Variants in CIT observed in about 807,000 individuals in gnomAD.
CIT encodes citron Rho-interacting kinase.
In CIT, 79 loss-of-function variants were observed where a neutral mutation model predicts 272.7. That is an observed-to-expected ratio of 0.29 (90% CI 0.24 to 0.35). CIT has a LOEUF of 0.35. CIT is among the 10% of genes least tolerant of loss of function. The probability of loss-of-function intolerance (pLI) is 1.00; values close to 1 mark genes in which losing one functional copy is unlikely to be tolerated. For missense variants in CIT, 1,909 were observed against 2,618.3 expected (o/e 0.73, Z 5.91); for synonymous variants, 948 against 995.6 (o/e 0.95, Z 0.90).
chr12:119,769,034 G>A (rs1012416334), intron 18 of CIT, among the ~76,000 whole-genome samples: 15 of 151,002 alleles, frequency 9.9e-5, no homozygotes, highest in Non-Finnish European at 1.3e-4. Flanking sequence ...GAAGAAATCC[G>A]CTTATTTTTC....
At chr12:119,830,893 G>C (rs974158026) in intron 7 of CIT, among the ~76,000 whole-genome samples, 2 of 152,120 alleles carry the variant, frequency 1.3e-5, no homozygotes, top group African/African-American at 4.8e-5. Flanking sequence ...TTAAGACAGG[G>C]TCTTGTTCTG....
chr12:119,771,796 C>A (rs1270425825), intron 17 of CIT, among the ~76,000 whole-genome samples: 1 of 152,108 alleles, frequency 6.6e-6, no homozygotes, highest in East Asian at 1.9e-4. Flanking sequence ...AGGAGATGAA[C>A]AGGAGACGTA....
chr12:119,849,504 A>C (rs1192565845), intron 5 of CIT, among the ~76,000 whole-genome samples: 1 of 152,186 alleles, frequency 6.6e-6, no homozygotes, highest in Non-Finnish European at 1.5e-5. Flanking sequence ...GCATTTTCTT[A>C]TAACAACCAT....
At chr12:119,733,145 A>G (rs1365700408) in intron 26 of CIT, among the ~76,000 whole-genome samples, 1 of 152,040 alleles carries the variant, frequency 6.6e-6, no homozygotes, top group South Asian at 2.1e-4. Context: ...AGGGAAATCT[A>G]TACTGGGGAA....
intron 46 of CIT, among the ~76,000 whole-genome samples, chr12:119,696,280 T>G (rs1436156615): frequency 6.6e-6 from 1 of 152,178 alleles, no homozygotes; most frequent in Non-Finnish European, 1.5e-5. Flanking sequence ...AAGAGGCCTT[T>G]TTTTGGAACA....
intron 28 of CIT, among the ~76,000 whole-genome samples, chr12:119,725,409 G>C (rs1024638614): frequency 6.6e-6 from 1 of 152,130 alleles, no homozygotes; most frequent in African/African-American, 2.4e-5. Flanking sequence ...CTGGGCGAGA[G>C]AGCAAGACTC....
chr12:119,756,785 G>T (rs1408394482), intron 22 of CIT, among the ~76,000 whole-genome samples: 1 of 152,100 alleles, frequency 6.6e-6, no homozygotes, highest in East Asian at 1.9e-4. Flanking sequence ...CAGCAGGAAT[G>T]GGCTTTAGGT....
chr12:119,820,142 T>C (rs1967560356), intron 9 of CIT, among the ~76,000 whole-genome samples: 1 of 152,058 alleles, frequency 6.6e-6, no homozygotes, highest in Non-Finnish European at 1.5e-5. Flanking sequence ...GGGACATGAG[T>C]GGGAGAATTG....
intron 10 of CIT, among the ~76,000 whole-genome samples, chr12:119,789,924 C>T (rs1965162153): frequency 6.6e-6 from 1 of 151,424 alleles, no homozygotes; most frequent in Non-Finnish European, 1.5e-5. Flanking sequence ...CCATGTTGGC[C>T]AGGATGGTCT....
chr12:119,816,825 A>G (rs569818118), intron 9 of CIT, among the ~76,000 whole-genome samples: 5 of 152,312 alleles, frequency 3.3e-5, no homozygotes, highest in African/African-American at 1.2e-4. Context: ...GTAGCCCCCA[A>G]GGGGAGACTG....
Position 119,804,469 on chromosome 12 carries a change from C to G in CIT, c.1112-1080G>C. 1.0e-6 allele frequency: 1 copy of G among 985,900 alleles called. No individual in the cohort carries two copies. Among genetic ancestry groups the G allele is most frequent in the Non-Finnish European group, 1.2e-6 (1 of 830,292 alleles). 61.1% of individuals were successfully genotyped at this position (985,900 alleles called of 1,614,324 possible). A position where few individuals can be genotyped will look rare whatever the true frequency, so the allele number is the denominator to read the frequency against. ...CCCCACCTGGCTGCCGCCTGCCTGC[C>G]AGGGGCCAGTGCTGATCCCAGTGAC... On this transcript the variant is annotated intron_variant, in intron 9 of 47. Coordinates refer to ENST00000392521, the MANE Select transcript of CIT (RefSeq NM_001206999.2). The surrounding 1 kb of genome is among the most constrained non-coding windows in gnomAD (Gnocchi z 5.3).
intron 4 of CIT, among the ~76,000 whole-genome samples, chr12:119,856,122 C>A (rs1225465012): frequency 2.0e-5 from 3 of 152,198 alleles, no homozygotes; most frequent in Non-Finnish European, 4.4e-5. Flanking sequence ...CAGCTTCCTG[C>A]CCTCCGCTGC....
At chr12:119,849,114 T>C (rs1970028326) in intron 5 of CIT, among the ~76,000 whole-genome samples, 1 of 152,064 alleles carries the variant, frequency 6.6e-6, no homozygotes, top group Non-Finnish European at 1.5e-5. Flanking sequence ...TTTCTTCCCC[T>C]AGGGAGGAGG....
chr12:119,780,441 A>G (rs1964181452), intron 13 of CIT, among the ~76,000 whole-genome samples: 1 of 152,026 alleles, frequency 6.6e-6, no homozygotes, highest in African/African-American at 2.4e-5. Context: ...ACATGGTGAA[A>G]CCCCATCTCT....
chr12:119,772,738 G>A (rs369880991), intron 17 of CIT, 32 bp downstream of exon 17: 68 of 1,585,262 alleles, frequency 4.3e-5, no homozygotes, highest in South Asian at 2.6e-4. Flanking sequence ...GGCCGAGGCC[G>A]CTGGGGCCTG....
rs1386246363 is a variant in CIT at position 119,718,639 on chromosome 12, T to C, written c.4003+60A>G. ...GCTAGTTAGTCTTGGCTGATCTCAC[T>C]GAGATCAATCCTCTGCCTTTTCCAC... On this transcript the variant is annotated intron_variant, in intron 31 of 47. Transcript: ENST00000392521. This position sits in a 1 kb window ranked among gnomAD's most constrained non-coding sequence, Gnocchi z 4.8. 2 of 1,596,434 alleles carry C rather than the reference T, an allele frequency of 1.3e-6. No individual in the cohort carries two copies. Among genetic ancestry groups the C allele is most frequent in the African/African-American group, 2.7e-5 (2 of 74,512 alleles).
At chr12:119,701,207 T>C (rs1183216487) in intron 43 of CIT, among the ~76,000 whole-genome samples, 1 of 24,060 alleles carries the variant, frequency 4.2e-5, no homozygotes, top group Non-Finnish European at 6.6e-5. Context: ...AGGGAGGGGA[T>C]GGGGAGGGGG....
intron 9 of CIT, among the ~76,000 whole-genome samples, chr12:119,805,943 T>G (rs1310095323): frequency 6.6e-6 from 1 of 152,082 alleles, no homozygotes; most frequent in Non-Finnish European, 1.5e-5. Flanking sequence ...AAGGCCAGCC[T>G]GGCCAACATG....
intron 7 of CIT, 83 bp downstream of exon 7, chr12:119,832,688 T>C (rs1968724917): frequency 1.7e-6 from 2 of 1,153,352 alleles, no homozygotes; most frequent in Non-Finnish European, 2.6e-6. Flanking sequence ...TTCACCATTT[T>C]ATCCCAACAC....
Sources: allele counts gnomAD v4.1 joint callset (sites outside exome capture counted in the v4.1 genomes callset), GRCh38; gene constraint gnomAD v4.1.1; non-coding constraint Gnocchi (gnomAD v3.1); transcripts MANE v1.5; gene names NCBI Gene and HGNC (gene_info 2026-07-23, HGNC 2026-07-21).